The following CTNNAL1 variants were observed in gnomAD, a reference collection of about 807,000 sequenced individuals.
CTNNAL1 encodes alpha-catulin.
CTNNAL1 carries 69 observed loss-of-function variants against 93.6 expected under a neutral mutation model. The observed-to-expected ratio is 0.74, with a 90% CI of 0.61 to 0.90. CTNNAL1 has a LOEUF of 0.90. Ranked by LOEUF, CTNNAL1 falls within the 40% of genes least tolerant of loss-of-function variation. CTNNAL1 has a pLI of 0.00. For missense variants in CTNNAL1, 836 were observed against 862.0 expected, an observed-to-expected ratio of 0.97 and a Z score of 0.38; for synonymous variants, 286 against 305.4, an observed-to-expected ratio of 0.94 and a Z score of 0.66.
chr9:109,009,114 T>C (rs912996784), intron 1 of CTNNAL1, among the ~76,000 whole-genome samples: 14 of 151,994 alleles, frequency 9.2e-5, no homozygotes, highest in Non-Finnish European at 1.8e-4. Context: ...CAGGCTGGTC[T>C]CAAAATCCTG....
At chr9:109,008,625 C>G (rs1827109525) in intron 1 of CTNNAL1, among the ~76,000 whole-genome samples, 2 of 152,194 alleles carry the variant, frequency 1.3e-5, no homozygotes, top group Admixed American at 1.3e-4. Context: ...AACACTTATT[C>G]TCACTGTGGA....
chr9:108,992,866 A>G, intron 2 of CTNNAL1, 47 bp from the exon 3 acceptor site: 1 of 1,546,736 alleles, frequency 6.5e-7, no homozygotes, highest in Non-Finnish European at 8.7e-7. Context: ...ATACAAATTA[A>G]AATCTAGACT....
chr9:108,973,282 A>C (rs1663231732), intron 8 of CTNNAL1, among the ~76,000 whole-genome samples: 1 of 152,228 alleles, frequency 6.6e-6, no homozygotes, highest in Non-Finnish European at 1.5e-5. Flanking sequence ...GAGTATTAAG[A>C]GTGCAATATT....
chr9:108,985,776 A>G (rs947224461), intron 4 of CTNNAL1, among the ~76,000 whole-genome samples: 3 of 152,192 alleles, frequency 2.0e-5, no homozygotes, highest in African/African-American at 7.2e-5. Context: ...CTGTGGGTCT[A>G]GCTGACAATG....
intron 5 of CTNNAL1, 101 bp from the exon 6 acceptor site, chr9:108,983,416 C>A (rs544665260): frequency 1.6e-6 from 2 of 1,256,896 alleles, no homozygotes; most frequent in South Asian, 2.9e-5. Context: ...TGGTTCTTTA[C>A]CAAAATCTCC....
chr9:108,983,389 T>C (rs1831498655), intron 5 of CTNNAL1, 74 bp from the exon 6 acceptor site: 1 of 1,309,546 alleles, frequency 7.6e-7, no homozygotes, highest in Non-Finnish European at 9.8e-7. Flanking sequence ...ACAGAGAACA[T>C]GTCATGCTAA....
chr9:108,975,418 C>A (rs1033444441), intron 8 of CTNNAL1, among the ~76,000 whole-genome samples: 1 of 152,094 alleles, frequency 6.6e-6, no homozygotes, highest in African/African-American at 2.4e-5. Context: ...AAATGTCTAC[C>A]AAGCCCAAAG....
intron 4 of CTNNAL1, among the ~76,000 whole-genome samples, chr9:108,985,394 T>A (rs1831575280): frequency 6.6e-6 from 1 of 152,224 alleles, no homozygotes; most frequent in Non-Finnish European, 1.5e-5. Context: ...CCTTTTTTAT[T>A]TGTAAGTTAG....
chr9:108,972,863 G>GCCCCCCCT, intron 8 of CTNNAL1, 30 bp from the exon 9 acceptor site: 1 of 231,688 alleles, frequency 4.3e-6, no homozygotes, highest in Non-Finnish European at 7.1e-6. Context: ...TGGGGGGGTG[G>GCCCCCCCT]GAGGGTGGAG....
chr9:108,976,644 C>T lies in CTNNAL1; in HGVS notation c.1188+318G>A, dbSNP rs531747086. ...CCCTGGGGATCAGGTGATTCTCCCA[C>T]TTCAGCCTCCCGAGTAGCTGGGACT... On this transcript the variant is annotated intron_variant, in intron 8 of 18. Coordinates refer to ENST00000325551, the MANE Select transcript of CTNNAL1 (RefSeq NM_003798.4). 2.6e-5 allele frequency among the ~76,000 whole-genome samples: 4 copies of T among 152,234 alleles called. No individual in the cohort carries two copies. In the East Asian group the frequency reaches 7.7e-4, roughly 29 times the overall value.
intron 11 of CTNNAL1, among the ~76,000 whole-genome samples, chr9:108,956,538 T>A (rs1283022018): frequency 6.6e-6 from 1 of 152,228 alleles, no homozygotes; most frequent in Non-Finnish European, 1.5e-5. Context: ...TAATTGCTTC[T>A]TGAAGAAAAA....
At chr9:108,963,944 C>G (rs1488797624) in intron 11 of CTNNAL1, among the ~76,000 whole-genome samples, 1 of 152,168 alleles carries the variant, frequency 6.6e-6, no homozygotes, top group African/African-American at 2.4e-5. Flanking sequence ...TGCCTAACAC[C>G]AGTTTGAGAA....
chr9:109,012,005 G>A (rs547164953), intron 1 of CTNNAL1, among the ~76,000 whole-genome samples: 1 of 152,324 alleles, frequency 6.6e-6, no homozygotes, highest in South Asian at 2.1e-4. Context: ...GGCGAGGAGC[G>A]GAGGGTCTGA....
intron 9 of CTNNAL1, among the ~76,000 whole-genome samples, chr9:108,971,510 C>A (rs1587961674): frequency 6.6e-6 from 1 of 152,188 alleles, no homozygotes; most frequent in African/African-American, 2.4e-5. Flanking sequence ...GCAGTTTCCT[C>A]CATACTGTTC....
Position 108,983,311 on chromosome 9 carries a change from C to A in CTNNAL1, c.734G>T (p.Cys245Phe). 1 of 1,515,372 alleles carries A rather than the reference C, an allele frequency of 6.6e-7. No homozygotes were observed. The highest frequency in any genetic ancestry group is 8.8e-7 in the Non-Finnish European group (1 of 1,135,192). 93.9% of individuals were successfully genotyped at this position (1,515,372 alleles called of 1,614,324 possible). A position where few individuals can be genotyped will look rare whatever the true frequency, so the allele number is the denominator to read the frequency against. The change falls in exon 6 of 19, where the codon TGT (cysteine) becomes TTT (phenylalanine). Residue 245 changes from cysteine to phenylalanine, a missense_variant. Transcript: ENST00000325551. The stretch of plus-strand genomic sequence containing the variant: ...TGATTCGCAGTTAGGATGCCTCAGA[C>A]ATGTCTTCAAAACAATTGAAAATTT... ...TMMLLTASKTCLRHPNCESAH... is the reference protein window; with the variant it reads ...TMMLLTASKTFLRHPNCESAH...
Position 108,942,960 on chromosome 9 carries a change from C to T in CTNNAL1, c.2139+1G>A. 1 of 1,611,642 alleles carries T rather than the reference C, an allele frequency of 6.2e-7. No individual in the cohort carries two copies. Among genetic ancestry groups the T allele is most frequent in the Non-Finnish European group, 8.5e-7 (1 of 1,179,344 alleles). On this transcript the variant is annotated splice_donor_variant, in intron 18 of 18. Coordinates refer to ENST00000325551, the MANE Select transcript of CTNNAL1 (RefSeq NM_003798.4). LOFTEE classifies it high-confidence loss of function. ...AGTCTAAAATAGAAAAACTACCTCA[C>T]CTTCTTCAGCAGTTTATAACAAAGT...
rs771365847 is a variant in CTNNAL1 at position 108,965,399 on chromosome 9, C to T, written c.1570G>A (p.Asp524Asn). Residue 524 changes from aspartate to asparagine, a missense_variant, in exon 11 of 19, where the codon GAC becomes AAC. Transcript: ENST00000325551. The stretch of plus-strand genomic sequence containing the variant: ...TCACCTCGTCTTCCTTCAAACACGT[C>T]ATTGATTTCTCTCAGCAGTGTTGAC... ...DMSTLLREIN[D>N]VFEGRRGEKY... is the part of the protein sequence containing the mutation. 6 of 1,503,654 alleles carry T rather than the reference C, an allele frequency of 4.0e-6. No homozygotes were observed. In the South Asian group the frequency reaches 8.1e-5, roughly 20 times the overall value. 93.1% of individuals were successfully genotyped at this position (1,503,654 alleles called of 1,614,324 possible). A position where few individuals can be genotyped will look rare whatever the true frequency, so the allele number is the denominator to read the frequency against.
intron 10 of CTNNAL1, among the ~76,000 whole-genome samples, chr9:108,970,032 T>C (rs1831065819): frequency 6.6e-6 from 1 of 152,188 alleles, no homozygotes; most frequent in Non-Finnish European, 1.5e-5. Flanking sequence ...TCTCATGTCC[T>C]AATTATTAGC....
intron 10 of CTNNAL1, among the ~76,000 whole-genome samples, chr9:108,969,047 G>A (rs996453980): frequency 2.6e-5 from 4 of 152,088 alleles, no homozygotes; most frequent in Non-Finnish European, 4.4e-5. Context: ...CGAGGCGGGG[G>A]GATCATGAGG....
Sources: allele counts gnomAD v4.1 joint callset (sites outside exome capture counted in the v4.1 genomes callset), GRCh38; gene constraint gnomAD v4.1.1; transcripts MANE v1.5; gene names NCBI Gene and HGNC (gene_info 2026-07-23, HGNC 2026-07-21).